ORC5: variants seen among roughly 807,000 people sequenced by gnomAD.
ORC5 encodes origin recognition complex subunit 5, also known as protein phosphatase 1, regulatory subunit 117.
Under a neutral mutation model 58.8 loss-of-function variants are expected in ORC5, and 39 were observed. The observed-to-expected ratio is 0.66, with a 90% confidence interval of 0.51 to 0.87. ORC5 has a LOEUF of 0.87. ORC5 is among the 40% of genes least tolerant of loss of function. The pLI, the probability that ORC5 is intolerant of heterozygous loss-of-function variation, is 0.00. For synonymous variants in ORC5, 218 were observed against 177.6 expected (o/e 1.23, Z -1.81); for missense variants, 493 against 506.3 (o/e 0.97, Z 0.25).
At chr7:104,175,350 C>G (rs1236505937) in intron 8 of ORC5, among the ~76,000 whole-genome samples, 1 of 152,030 alleles carries the variant, frequency 6.6e-6, no homozygotes, top group Non-Finnish European at 1.5e-5. Context: ...TTTTTCCTGC[C>G]TACTTTGAAT....
At chr7:104,186,863 T>C (rs1315939478) in intron 6 of ORC5, among the ~76,000 whole-genome samples, 1 of 152,184 alleles carries the variant, frequency 6.6e-6, no homozygotes, top group Non-Finnish European at 1.5e-5. Flanking sequence ...ATACTACACA[T>C]TTATGAATAT....
chr7:104,183,071 G>A (rs574685492), intron 8 of ORC5, among the ~76,000 whole-genome samples: 16 of 152,146 alleles, frequency 1.1e-4, no homozygotes, highest in Non-Finnish European at 2.1e-4. Context: ...GGAGGCAGAG[G>A]TTGCAGTATG....
At chr7:104,135,909 G>A (rs1264536784) in intron 13 of ORC5, among the ~76,000 whole-genome samples, 2 of 152,110 alleles carry the variant, frequency 1.3e-5, no homozygotes, top group African/African-American at 2.4e-5. Context: ...TGTTCACTCT[G>A]CCAGTCTACA....
intron 12 of ORC5, among the ~76,000 whole-genome samples, chr7:104,156,275 T>C (rs1336625642): frequency 6.6e-6 from 1 of 151,798 alleles, no homozygotes; most frequent in African/African-American, 2.4e-5. Context: ...TAAAGTCATA[T>C]TTAAGTTCAA....
At chr7:104,169,308 G>GCTTGC (rs58606325) in intron 8 of ORC5, among the ~76,000 whole-genome samples, 86,963 of 151,332 alleles carry the variant, frequency 0.57, 28,800 homozygotes, top group Non-Finnish European at 0.76. Flanking sequence ...CTTGTAGGAT[G>GCTTGC]CTTGCAGAGT....
rs531396615 is a variant in ORC5 at position 104,126,962 on chromosome 7, A to G, written c.1263-69T>C. ...ATTGCTCAGCTTTGTATGATTCTGG[A>G]AAGCACATGCAAAATAATTCATGAC... On this transcript the variant is annotated intron_variant, in intron 13 of 13. Coordinates refer to ENST00000297431, the MANE Select transcript of ORC5 (RefSeq NM_002553.4). 4.1e-5 allele frequency: 46 copies of G among 1,112,002 alleles called. No individual in the cohort carries two copies. In the African/African-American group the frequency reaches 6.9e-4, roughly 17 times the overall value. 68.9% of individuals were successfully genotyped at this position (1,112,002 alleles called of 1,614,324 possible).
intron 8 of ORC5, among the ~76,000 whole-genome samples, chr7:104,178,218 C>T (rs1338477973): frequency 6.6e-6 from 1 of 152,204 alleles, no homozygotes; most frequent in Non-Finnish European, 1.5e-5. Flanking sequence ...TTCTCCACAG[C>T]CTCACCAGCA....
rs140454360 is a variant in ORC5 at position 104,188,257 on chromosome 7, T to A, written c.678A>T (p.Arg226Ser). The A allele has an allele frequency of 6.2e-7, 1 of 1,611,198 alleles. No individual in the cohort carries two copies. Among genetic ancestry groups the A allele is most frequent in the Non-Finnish European group, 8.5e-7 (1 of 1,178,096 alleles). The change falls in exon 6 of 14, where the codon AGA becomes AGT. Residue 226 changes from arginine to serine, a missense_variant. Physicochemically the swap from Arg to Ser is moderately radical, Grantham distance 110 (BLOSUM62 -1). Transcript: ENST00000297431. ...YTVCRDLKEL[R>S]HLAVLNFPKY... ...AAGCAAAATGTTCATTTACCAGATG[T>A]CTGAGCTCTTTCAAATCTCGACAAA...
At chr7:104,199,148 T>C (rs967063608) in intron 3 of ORC5, among the ~76,000 whole-genome samples, 36 of 141,260 alleles carry the variant, frequency 2.5e-4, no homozygotes, top group African/African-American at 7.9e-4. Flanking sequence ...AGAAGGGGAA[T>C]GTGGGGTTGG....
intron 3 of ORC5, among the ~76,000 whole-genome samples, chr7:104,200,536 C>A (rs1799913172): frequency 6.6e-6 from 1 of 152,202 alleles, no homozygotes; most frequent in African/African-American, 2.4e-5. Flanking sequence ...TGGTGACAAT[C>A]ACTTATCACA....
intron 8 of ORC5, among the ~76,000 whole-genome samples, chr7:104,177,050 T>G (rs1389086836): frequency 6.6e-6 from 1 of 152,226 alleles, no homozygotes; most frequent in Admixed American, 6.5e-5. Context: ...ACTTTAAGAT[T>G]CTCACTTAGG....
chr7:104,136,652 C>A lies in ORC5; in HGVS notation c.1262+129G>T. ...ATTTGAGAAGGTTCATTCTATCGTA[C>A]AGCTTATTCATTCTTGGCACTTAAA... On this transcript the variant is annotated intron_variant, in intron 13 of 13. Transcript: ENST00000297431. The surrounding 1 kb of genome is among the most constrained non-coding windows in gnomAD (Gnocchi z 4.2). 1.6e-6 allele frequency: 1 copy of A among 607,252 alleles called. No homozygotes were observed. The highest frequency in any genetic ancestry group is 2.3e-5 in the South Asian group (1 of 43,286). 37.6% of individuals were successfully genotyped at this position (607,252 alleles called of 1,614,324 possible). A position where few individuals can be genotyped will look rare whatever the true frequency, so the allele number is the denominator to read the frequency against.
chr7:104,173,838 A>ATTTTT (rs746698932), intron 8 of ORC5, among the ~76,000 whole-genome samples: 18 of 122,778 alleles, frequency 1.5e-4, no homozygotes, highest in East Asian at 4.5e-4. Flanking sequence ...TGGGTTTAAA[A>ATTTTT]TTTTTTCTTT....
At chr7:104,172,701 C>T (rs901156959) in intron 8 of ORC5, among the ~76,000 whole-genome samples, 6 of 152,056 alleles carry the variant, frequency 3.9e-5, no homozygotes, top group Admixed American at 6.6e-5. Flanking sequence ...CTTCTAAGGA[C>T]TGTTAGAGGA....
At chr7:104,188,123 T>G in intron 6 of ORC5, 128 bp downstream of exon 6, 1 of 957,106 alleles carries the variant, frequency 1.0e-6, no homozygotes, top group Non-Finnish European at 1.4e-6. Context: ...CAGAATAAAA[T>G]TTCAGTTTCT....
intron 2 of ORC5, among the ~76,000 whole-genome samples, chr7:104,202,132 A>C (rs1799960899): frequency 6.6e-6 from 1 of 152,180 alleles, no homozygotes; most frequent in South Asian, 2.1e-4. Flanking sequence ...CATTTAAAAA[A>C]CTATCAAAAT....
intron 5 of ORC5, among the ~76,000 whole-genome samples, chr7:104,189,520 C>T (rs1191729081): frequency 6.6e-6 from 1 of 152,012 alleles, no homozygotes; most frequent in Non-Finnish European, 1.5e-5. Context: ...CACCTCCTGT[C>T]CTTGGGAAAA....
At chr7:104,140,179 T>C (rs1311298019) in intron 12 of ORC5, among the ~76,000 whole-genome samples, 1 of 152,152 alleles carries the variant, frequency 6.6e-6, no homozygotes, top group Admixed American at 6.5e-5. Context: ...ACAGTTCTCA[T>C]GTAAATAACA....
intron 10 of ORC5, among the ~76,000 whole-genome samples, chr7:104,166,430 T>A (rs1562814605): frequency 6.6e-6 from 1 of 152,228 alleles, no homozygotes; most frequent in Non-Finnish European, 1.5e-5. Flanking sequence ...GCTCCTTCAG[T>A]GTGATGGATA....
Sources: gnomAD v4.1 joint callset for allele counts (sites outside exome capture counted in the v4.1 genomes callset) on GRCh38, gnomAD v4.1.1 for gene constraint, Gnocchi (gnomAD v3.1) non-coding constraint, MANE v1.5 for transcripts, NCBI Gene and HGNC (gene_info 2026-07-23, HGNC 2026-07-21) for gene names.